Variants in SMOC1 observed in about 807,000 individuals in gnomAD.
SMOC1 encodes SPARC-related modular calcium-binding protein 1.
SMOC1 carries 22 observed loss-of-function variants against 56.3 expected under a neutral mutation model. That is an observed-to-expected ratio of 0.39 (90% confidence interval 0.28 to 0.56). The LOEUF (loss-of-function observed/expected upper bound fraction) is 0.56. SMOC1 is among the 20% of genes least tolerant of loss of function. The pLI, the probability that SMOC1 is intolerant of heterozygous loss-of-function variation, is 0.61. For synonymous variants in SMOC1, 193 were observed against 215.0 expected, an observed-to-expected ratio of 0.90 and a Z score of 0.89; for missense variants, 509 against 565.4, an observed-to-expected ratio of 0.90 and a Z score of 1.01.
intron 1 of SMOC1, among the ~76,000 whole-genome samples, chr14:69,896,634 C>A (rs1250051658): frequency 6.6e-6 from 1 of 152,138 alleles, no homozygotes; most frequent in Non-Finnish European, 1.5e-5. Context: ...TGGTTTTATT[C>A]CCTTTTGTTT....
At chr14:69,933,846 G>A (rs1566679055) in intron 1 of SMOC1, among the ~76,000 whole-genome samples, 2 of 152,106 alleles carry the variant, frequency 1.3e-5, no homozygotes, top group East Asian at 1.9e-4. Flanking sequence ...CAAAATATAC[G>A]AACTTTGACT....
At chr14:69,994,512 C>T (rs748933269) in intron 7 of SMOC1, 32 bp downstream of exon 7, 2 of 1,536,194 alleles carry the variant, frequency 1.3e-6, no homozygotes, top group Admixed American at 1.7e-5. Flanking sequence ...ATATATGTAC[C>T]CAGTCCATCC....
At chr14:69,906,988 GC>G in intron 1 of SMOC1, among the ~76,000 whole-genome samples, 1 of 152,320 alleles carries the variant, frequency 6.6e-6, no homozygotes, top group East Asian at 1.9e-4. Context: ...GGTTGGAGAT[GC>G]AGCAGGAAAA....
At chr14:70,016,356 T>G (rs910143767) in intron 10 of SMOC1, among the ~76,000 whole-genome samples, 1 of 152,256 alleles carries the variant, frequency 6.6e-6, no homozygotes, top group Admixed American at 6.5e-5. Flanking sequence ...ATGTTTTTCA[T>G]TTTAAGCTCA....
chr14:70,021,611 G>C (rs1439148261), intron 10 of SMOC1, among the ~76,000 whole-genome samples: 4 of 152,136 alleles, frequency 2.6e-5, no homozygotes, highest in Non-Finnish European at 5.9e-5. Context: ...TCCACTAATT[G>C]CATCCTCCTG....
chr14:69,902,746 G>A (rs1884280345), intron 1 of SMOC1, among the ~76,000 whole-genome samples: 1 of 152,180 alleles, frequency 6.6e-6, no homozygotes, highest in African/African-American at 2.4e-5. Context: ...CCTGCCGAGT[G>A]CCTGCGATTG....
At chr14:69,949,475 A>T (rs1017119680) in intron 1 of SMOC1, among the ~76,000 whole-genome samples, 2 of 152,220 alleles carry the variant, frequency 1.3e-5, no homozygotes, top group Non-Finnish European at 2.9e-5. Context: ...AGAGCTGGGG[A>T]TTCCACTGGT....
chr14:69,904,268 G>T (rs1030066042), intron 1 of SMOC1, among the ~76,000 whole-genome samples: 4 of 152,234 alleles, frequency 2.6e-5, no homozygotes, highest in African/African-American at 9.7e-5. Flanking sequence ...AACCTTATCA[G>T]AAATGTACCT....
chr14:69,948,453 T>C (rs1882872223), intron 1 of SMOC1, among the ~76,000 whole-genome samples: 1 of 152,196 alleles, frequency 6.6e-6, no homozygotes, highest in South Asian at 2.1e-4. Flanking sequence ...TTCTTTAACC[T>C]GTCTGTTTGC....
chr14:69,903,302 C>T (rs1463643111), intron 1 of SMOC1, among the ~76,000 whole-genome samples: 5 of 151,846 alleles, frequency 3.3e-5, no homozygotes, highest in Admixed American at 1.3e-4. Flanking sequence ...CGTCTCTGCC[C>T]GGCTGCCCCG....
At chr14:69,969,461 C>T (rs896404634) in intron 3 of SMOC1, among the ~76,000 whole-genome samples, 10 of 132,238 alleles carry the variant, frequency 7.6e-5, no homozygotes, top group Non-Finnish European at 1.5e-4. Context: ...GGAGCAGGAA[C>T]AGGAGAGAGG....
At chr14:69,932,456 T>C (rs144698608) in intron 1 of SMOC1, among the ~76,000 whole-genome samples, 1 of 151,990 alleles carries the variant, frequency 6.6e-6, no homozygotes, top group African/African-American at 2.4e-5. Context: ...AAAGGAGTGG[T>C]AGAAGTGAGG....
chr14:69,897,916 T>G (rs1367273847), intron 1 of SMOC1, among the ~76,000 whole-genome samples: 1 of 151,848 alleles, frequency 6.6e-6, no homozygotes, highest in Non-Finnish European at 1.5e-5. Context: ...CTGAGCTATG[T>G]TTTTTTTCCT....
At chr14:69,896,494 T>C (rs1182653846) in intron 1 of SMOC1, among the ~76,000 whole-genome samples, 2 of 152,216 alleles carry the variant, frequency 1.3e-5, no homozygotes, top group Non-Finnish European at 2.9e-5. Flanking sequence ...TCAATAAATG[T>C]TAACTATTCA....
chr14:69,896,607 T>C (rs61980574), intron 1 of SMOC1, among the ~76,000 whole-genome samples: 18,962 of 152,188 alleles, frequency 0.12, 1,669 homozygotes, highest in African/African-American at 0.25. Flanking sequence ...ATCAATACAT[T>C]GAAAATTTAT....
At chr14:69,960,832 C>T (rs558345586) in intron 3 of SMOC1, among the ~76,000 whole-genome samples, 2 of 151,894 alleles carry the variant, frequency 1.3e-5, no homozygotes, top group South Asian at 2.1e-4. Flanking sequence ...GAGTTGAACT[C>T]GTTCAGAGGT....
At chr14:69,989,635 C>A (rs1884492587) in intron 5 of SMOC1, among the ~76,000 whole-genome samples, 1 of 152,166 alleles carries the variant, frequency 6.6e-6, no homozygotes, top group African/African-American at 2.4e-5. Context: ...AGGAGGGGCT[C>A]AACTTATCCA....
rs535905839 is a variant in SMOC1, at chr14:69,947,416, C to A, written c.100-4722C>A. 3.3e-5 allele frequency among the ~76,000 whole-genome samples: 5 copies of A among 152,240 alleles called. No individual in the cohort carries two copies. In the South Asian group the frequency reaches 8.3e-4, roughly 25 times the overall value. On this transcript the variant is annotated intron_variant, in intron 1 of 11. Transcript: ENST00000361956. ...AACTCCTGGGCTCAAGCAATCCCAC[C>A]TTCTTGACCTCCCAAAGTGCTGGGA...
intron 3 of SMOC1, among the ~76,000 whole-genome samples, chr14:69,973,770 C>T (rs1225690082): frequency 6.6e-6 from 1 of 152,208 alleles, no homozygotes; most frequent in African/African-American, 2.4e-5. Flanking sequence ...GGTGTCCACA[C>T]GAGAGCAGAA....
Sources: allele counts gnomAD v4.1 joint callset (sites outside exome capture counted in the v4.1 genomes callset), GRCh38; gene constraint gnomAD v4.1.1; transcripts MANE v1.5; gene names NCBI Gene and HGNC (gene_info 2026-07-23, HGNC 2026-07-21).